The following UBR3 variants were observed in gnomAD, a reference collection of about 807,000 sequenced individuals.
UBR3 encodes ubiquitin protein ligase E3 component n-recognin 3.
In UBR3, 85 loss-of-function variants were observed where a neutral mutation model predicts 243.2. The ratio of observed to expected loss-of-function variants is 0.35; its 90% CI spans 0.29 to 0.42. The LOEUF is 0.42. Among genes scored for constraint, UBR3 ranks in the 10% least tolerant of loss-of-function variants. UBR3 has a pLI of 1.00. For synonymous variants in UBR3, 748 were observed against 799.8 expected (o/e 0.94, Z 1.09); for missense variants, 1,686 against 2,300.8 (o/e 0.73, Z 5.47).
At chr2:169,841,749 C>T (rs1055931161) in intron 1 of UBR3, among the ~76,000 whole-genome samples, 3 of 152,354 alleles carry the variant, frequency 2.0e-5, no homozygotes, top group South Asian at 4.1e-4. Context: ...GATTTCTCTC[C>T]GGGCCTTGGC....
intron 10 of UBR3, among the ~76,000 whole-genome samples, chr2:169,913,596 A>G (rs2085340108): frequency 6.6e-6 from 1 of 152,044 alleles, no homozygotes; most frequent in Non-Finnish European, 1.5e-5. Context: ...AATTGTGTAA[A>G]ATACATATAA....
intron 8 of UBR3, among the ~76,000 whole-genome samples, chr2:169,898,336 C>T (rs1370971302): frequency 6.6e-6 from 1 of 152,146 alleles, no homozygotes; most frequent in Non-Finnish European, 1.5e-5. Flanking sequence ...AGGCATAATG[C>T]GTTATATATA....
intron 32 of UBR3, among the ~76,000 whole-genome samples, chr2:170,044,912 T>TTATC (rs765359385): frequency 6.6e-6 from 1 of 152,052 alleles, no homozygotes; most frequent in African/African-American, 2.4e-5. Flanking sequence ...TTTACAATTA[T>TTATC]TATCTCCTTA....
chr2:169,975,948 A>T (rs1210634920), intron 24 of UBR3, among the ~76,000 whole-genome samples: 1 of 150,706 alleles, frequency 6.6e-6, no homozygotes. Flanking sequence ...TATAATGACC[A>T]TTTTTTTCTC....
rs1304757008 is a variant in UBR3 at position 169,882,169 on chromosome 2, T to C, written c.1038+3595T>C. Reference sequence around the variant, plus strand: ...ATATATGTATATATATTTATCATATTTATATGTAATATGCATGTGTAATAA... The same window carrying C: ...ATATATGTATATATATTTATCATATCTATATGTAATATGCATGTGTAATAA... On this transcript the variant is annotated intron_variant, in intron 5 of 38. Coordinates refer to ENST00000272793, the MANE Select transcript of UBR3 (RefSeq NM_172070.4). 9.1e-5 allele frequency among the ~76,000 whole-genome samples: 12 copies of C among 132,044 alleles called. No homozygotes were observed. In the South Asian group the frequency reaches 1.5e-3, roughly 17 times the overall value. The allele number at this position is 132,044 out of a possible 152,430, so 86.6% of individuals were successfully genotyped here.
intron 32 of UBR3, among the ~76,000 whole-genome samples, chr2:170,045,536 C>T (rs922583565): frequency 6.6e-6 from 1 of 152,156 alleles, no homozygotes; most frequent in Admixed American, 6.5e-5. Flanking sequence ...AATATCCCTG[C>T]TTCCAAGATC....
At chr2:169,869,326 A>G (rs2083364945) in intron 1 of UBR3, among the ~76,000 whole-genome samples, 1 of 141,898 alleles carries the variant, frequency 7.0e-6, no homozygotes, top group Non-Finnish European at 1.5e-5. Flanking sequence ...GTTTCAAGTG[A>G]TTCTCCTGCC....
intron 23 of UBR3, among the ~76,000 whole-genome samples, chr2:169,953,594 A>G (rs1278327953): frequency 6.6e-6 from 1 of 152,220 alleles, no homozygotes; most frequent in East Asian, 1.9e-4. Flanking sequence ...GCCCATTTAG[A>G]AAAGCAATAA....
chr2:169,967,200 C>T (rs1390150856), intron 24 of UBR3, among the ~76,000 whole-genome samples: 3 of 151,838 alleles, frequency 2.0e-5, no homozygotes, highest in Non-Finnish European at 4.4e-5. Context: ...TTTACTATTT[C>T]TTCATATTAA....
chr2:170,064,418 TA>T (rs886532060), intron 35 of UBR3, among the ~76,000 whole-genome samples: 136 of 151,578 alleles, frequency 9.0e-4, no homozygotes, highest in African/African-American at 2.6e-3. Flanking sequence ...AATTAAAAAT[TA>T]AAAAAAAATC....
intron 1 of UBR3, among the ~76,000 whole-genome samples, chr2:169,842,155 C>A (rs920588298): frequency 3.3e-5 from 5 of 152,080 alleles, no homozygotes; most frequent in Admixed American, 1.3e-4. Context: ...AAGTCTAGCT[C>A]AAGGTTTGTA....
At position 170,018,838 on chromosome 2, in the gene UBR3, G is replaced by A. The variant is rs187674500; in HGVS notation, c.4453+3472G>A. ...TTTTATTAAAAATATTAAGCTTACT[G>A]TATTAATTTCTTCATTAAAGTGATT... On this transcript the variant is annotated intron_variant, in intron 30 of 38. Coordinates refer to ENST00000272793, the MANE Select transcript of UBR3 (RefSeq NM_172070.4). 3.9e-3 allele frequency among the ~76,000 whole-genome samples: 600 copies of A among 152,272 alleles called. 2 individuals are homozygous for A. Among genetic ancestry groups the A allele is most frequent in the Non-Finnish European group, 6.6e-3 (447 of 68,012 alleles).
chr2:169,887,901 C>T (rs891471496), intron 5 of UBR3, among the ~76,000 whole-genome samples: 1 of 151,216 alleles, frequency 6.6e-6, no homozygotes, highest in Non-Finnish European at 1.5e-5. Flanking sequence ...CTTAGCCTCC[C>T]GAGTAGCTGG....
intron 24 of UBR3, among the ~76,000 whole-genome samples, chr2:169,973,570 G>C (rs1574318004): frequency 6.6e-6 from 1 of 152,168 alleles, no homozygotes; most frequent in East Asian, 1.9e-4. Flanking sequence ...AAGCTTTACT[G>C]AATTTGCTTA....
At chr2:170,075,286 A>C (rs931249439) in intron 36 of UBR3, among the ~76,000 whole-genome samples, 8 of 152,084 alleles carry the variant, frequency 5.3e-5, no homozygotes, top group Non-Finnish European at 1.0e-4. Flanking sequence ...CTTTATTCAC[A>C]GAGCATATAG....
chr2:170,006,483 A>C (rs2089916524), intron 27 of UBR3, among the ~76,000 whole-genome samples: 1 of 152,248 alleles, frequency 6.6e-6, no homozygotes, highest in Non-Finnish European at 1.5e-5. Context: ...GCACTAACTC[A>C]GTTGTCCAAT....
Position 170,007,564 on chromosome 2 carries a change from C to T in UBR3, c.4230+374C>T, listed in dbSNP as rs2089958669. On this transcript the variant is annotated intron_variant, in intron 28 of 38. Coordinates refer to ENST00000272793, the MANE Select transcript of UBR3 (RefSeq NM_172070.4). ...CTTAAGGTCAGGAGTTTGAGACCAG[C>T]CTGGCCAACATGGCAAAACCCCGTC... 3.9e-5 allele frequency among the ~76,000 whole-genome samples: 6 copies of T among 152,158 alleles called. No homozygotes were observed. In the South Asian group the frequency reaches 1.2e-3, roughly 32 times the overall value.
chr2:170,015,220 AT>A (rs1263582575), intron 29 of UBR3, 60 bp from the exon 30 acceptor site: 6 of 1,409,560 alleles, frequency 4.3e-6, no homozygotes, highest in Non-Finnish European at 5.9e-6. Context: ...AGACATGTCA[AT>A]AAAGCAGATT....
chr2:169,918,089 G>T (rs1333446836), intron 11 of UBR3, among the ~76,000 whole-genome samples: 1 of 152,156 alleles, frequency 6.6e-6, no homozygotes, highest in East Asian at 1.9e-4. Context: ...GATATTAAAT[G>T]ACTTGCCTAT....
Sources: allele counts gnomAD v4.1 joint callset (sites outside exome capture counted in the v4.1 genomes callset), GRCh38; gene constraint gnomAD v4.1.1; transcripts MANE v1.5; gene names NCBI Gene and HGNC (gene_info 2026-07-23, HGNC 2026-07-21).